The following GATA1 variants were observed in gnomAD, a reference collection of about 807,000 sequenced individuals.
GATA1 encodes the protein erythroid transcription factor.
A neutral mutation model predicts 18.9 loss-of-function variants in GATA1; 2 were observed. That is an observed-to-expected ratio of 0.11 (90% CI 0.04 to 0.33). GATA1 has a LOEUF of 0.33. Ranked by LOEUF, GATA1 falls within the 10% of genes least tolerant of loss-of-function variation. The probability of loss-of-function intolerance (pLI) is 1.00; values close to 1 mark genes in which losing one functional copy is unlikely to be tolerated. For missense variants in GATA1, 272 were observed against 344.7 expected (o/e 0.79, Z 1.67); for synonymous variants, 152 against 149.1 (o/e 1.02, Z -0.14).
intron 1 of GATA1, among the ~76,000 whole-genome samples, chrX:48,787,515 C>G (rs1390376630): frequency 9.0e-6 from 1 of 111,097 alleles, no homozygotes; most frequent in Non-Finnish European, 1.9e-5. Context: ...CCAGAAAAAC[C>G]CTTGAACTCC....
chrX:48,794,090 C>G lies in GATA1; in HGVS notation c.1168C>G (p.Pro390Ala), dbSNP rs372777182. The change falls in exon 6 of 6, where the codon CCC (proline) becomes GCC (alanine). Residue 390 changes from proline (P) to alanine (A), a missense_variant. Transcript: ENST00000376670. The part of the protein sequence containing the change: ...MPFPGPLLGS[P>A]TGSFPTGPMP... ...TTTCCCTGGACCCCTACTGGGCTCA[C>G]CCACGGGCTCCTTCCCCACAGGCCC... 8.3e-7 allele frequency: 1 copy of G among 1,198,486 alleles called. No individual in the cohort carries two copies. Among genetic ancestry groups the G allele is most frequent in the African/African-American group, 1.8e-5 (1 of 57,018 alleles).
intron 2 of GATA1, 108 bp from the exon 3 acceptor site, chrX:48,791,736 G>C (rs1359941882): frequency 5.2e-6 from 5 of 957,548 alleles, no homozygotes; most frequent in Non-Finnish European, 7.4e-6. Flanking sequence ...GAAAAGCTGG[G>C]AACTTGGCCA....
chrX:48,789,205 G>A (rs891791783), intron 1 of GATA1, among the ~76,000 whole-genome samples: 11 of 110,019 alleles, frequency 1.0e-4, no homozygotes, highest in Admixed American at 8.6e-4. Flanking sequence ...TACTAGGGAG[G>A]CTGAGGCACG....
intron 1 of GATA1, among the ~76,000 whole-genome samples, chrX:48,789,595 C>T (rs2062667533): frequency 9.0e-6 from 1 of 111,380 alleles, no homozygotes; most frequent in African/African-American, 3.3e-5. Context: ...GAAAGCAGAA[C>T]TCTGGTGGGC....
intron 2 of GATA1, 40 bp downstream of exon 2, chrX:48,791,369 C>T (rs782686857): frequency 5.4e-6 from 6 of 1,101,857 alleles, no homozygotes; most frequent in Non-Finnish European, 3.7e-6. Context: ...TGGCTGAGTG[C>T]TGTTGGGGTT....
Position 48,790,394 on chromosome X carries a change from T to G in GATA1, c.-19-697T>G, listed in dbSNP as rs183506623. The stretch of plus-strand genomic sequence containing the variant: ...CACTGCCGGGAGGCAGTGGTTGCAG[T>G]GAGCCGAGATCGTGCCACTGCACTC... On this transcript the variant is annotated intron_variant, in intron 1 of 5. Coordinates refer to ENST00000376670, the MANE Select transcript of GATA1 (RefSeq NM_002049.4). Among the ~76,000 whole-genome samples, 243 of 110,717 alleles carry G rather than the reference T, an allele frequency of 2.2e-3. 1 individual carries two copies. The highest frequency in any genetic ancestry group is 7.8e-3 in the African/African-American group (237 of 30,456).
intron 4 of GATA1, among the ~76,000 whole-genome samples, chrX:48,792,934 G>T (rs958588158): frequency 1.8e-5 from 2 of 111,493 alleles, no homozygotes; most frequent in Admixed American, 1.9e-4. Flanking sequence ...ATTCCGATAC[G>T]CAGCCAAAGC....
intron 1 of GATA1, among the ~76,000 whole-genome samples, chrX:48,787,482 G>A (rs979367444): frequency 9.1e-6 from 1 of 110,391 alleles, no homozygotes; most frequent in East Asian, 2.8e-4. Flanking sequence ...ACAGATCTTT[G>A]ACTCCTAAAC....
intron 1 of GATA1, among the ~76,000 whole-genome samples, chrX:48,790,813 C>T (rs782001195): frequency 1.3e-4 from 13 of 96,606 alleles, no homozygotes; most frequent in Admixed American, 3.4e-4. Context: ...GAAAGACAAA[C>T]GGCAAGAGGG....
At chrX:48,789,059 C>A (rs1347101657) in intron 1 of GATA1, among the ~76,000 whole-genome samples, 1 of 112,555 alleles carries the variant, frequency 8.9e-6, no homozygotes, top group East Asian at 2.8e-4. Context: ...ATAACCTCAG[C>A]ACTGTGGGAG....
chrX:48,792,793 C>T (rs1421752203), intron 4 of GATA1, among the ~76,000 whole-genome samples: 1 of 111,627 alleles, frequency 9.0e-6, no homozygotes, highest in Non-Finnish European at 1.9e-5. Flanking sequence ...AACCTTTGTC[C>T]TCACCCTGCA....
At chrX:48,787,343 A>G (rs1458715275) in intron 1 of GATA1, among the ~76,000 whole-genome samples, 6 of 110,979 alleles carry the variant, frequency 5.4e-5, no homozygotes, top group Admixed American at 4.8e-4. Flanking sequence ...TGCCTTCCCC[A>G]AACCGTATCT....
chrX:48,793,092 C>T, intron 4 of GATA1, 80 bp from the exon 5 acceptor site: 4 of 1,095,638 alleles, frequency 3.7e-6, no homozygotes, highest in African/African-American at 1.8e-5. Flanking sequence ...CTTCTTGGGT[C>T]CTCCTGACAT....
At chrX:48,791,063 T>C in intron 1 of GATA1, 28 bp from the exon 2 acceptor site, 1 of 1,040,364 alleles carries the variant, frequency 9.6e-7, no homozygotes, top group African/African-American at 1.8e-5. Context: ...AGGATTTCTG[T>C]GTCTGAGGAC....
intron 1 of GATA1, among the ~76,000 whole-genome samples, chrX:48,788,396 T>C (rs975181092): frequency 1.9e-5 from 2 of 105,917 alleles, no homozygotes; most frequent in Admixed American, 2.0e-4. Context: ...GAAAAGGAGA[T>C]AGAAATGCAG....
At chrX:48,790,787 AGAG>A (rs1329137843) in intron 1 of GATA1, among the ~76,000 whole-genome samples, 59 of 100,242 alleles carry the variant, frequency 5.9e-4, no homozygotes, top group South Asian at 5.5e-4. Flanking sequence ...AGGAAGAGCG[AGAG>A]GAGGGAGGAG....
Position 48,792,001 on chromosome X carries a change from A to C in GATA1, c.378A>C (p.Gly126=). The C allele has an allele frequency of 8.3e-7, 1 of 1,211,655 alleles. No individual in the cohort carries two copies. Among genetic ancestry groups the C allele is most frequent in the Non-Finnish European group, 1.1e-6 (1 of 895,342 alleles). Residue 126 remains glycine (G), a synonymous_variant, in exon 3 of 6, where the codon GGA becomes GGC. Coordinates refer to ENST00000376670, the MANE Select transcript of GATA1 (RefSeq NM_002049.4). ...SPPQAVEDLD[G]KGSTSFLETL... is the part of the protein sequence containing the mutation. ...CCCAGGCCGTGGAAGATCTGGATGG[A>C]AAAGGCAGCACCAGCTTCCTGGAGA...
chrX:48,789,721 T>TG (rs1284384725), intron 1 of GATA1, among the ~76,000 whole-genome samples: 2 of 98,011 alleles, frequency 2.0e-5, no homozygotes, highest in Non-Finnish European at 4.1e-5. Flanking sequence ...AGATAAGCAG[T>TG]GGGGGGTACT....
chrX:48,790,052 T>G (rs1602218030), intron 1 of GATA1, among the ~76,000 whole-genome samples: 4 of 96,915 alleles, frequency 4.1e-5, no homozygotes, highest in African/African-American at 7.7e-5. Flanking sequence ...GGAGAGGAGA[T>G]GGGGAAAGGG....
Sources: gnomAD v4.1 joint callset for allele counts (sites outside exome capture counted in the v4.1 genomes callset) on GRCh38, gnomAD v4.1.1 for gene constraint, MANE v1.5 for transcripts, NCBI Gene and HGNC (gene_info 2026-07-23, HGNC 2026-07-21) for gene names.